DIP2C: variants seen among roughly 807,000 people sequenced by gnomAD.
The protein encoded by DIP2C is DIP2 acetate--CoA ligase C (putative), also known as disco-interacting protein 2 homolog C.
A neutral mutation model predicts 192.4 loss-of-function variants in DIP2C; 33 were observed. The ratio of observed to expected loss-of-function variants is 0.17; its 90% CI spans 0.13 to 0.23. DIP2C has a LOEUF of 0.23. Among genes scored for constraint, DIP2C ranks in the 10% least tolerant of loss-of-function variants. The pLI is 1.00. For missense variants in DIP2C, 1,537 were observed against 2,110.1 expected, an observed-to-expected ratio of 0.73 and a Z score of 5.32; for synonymous variants, 979 against 864.1, an observed-to-expected ratio of 1.13 and a Z score of -2.33.
chr10:383,097 CTATT>C (rs1962525311), intron 16 of DIP2C, among the ~76,000 whole-genome samples: 1 of 152,174 alleles, frequency 6.6e-6, no homozygotes, highest in Non-Finnish European at 1.5e-5. Context: ...ACTTTCCTCT[CTATT>C]AATTTAAATG....
chr10:301,865 G>A (rs886877769), intron 32 of DIP2C, among the ~76,000 whole-genome samples: 4 of 152,226 alleles, frequency 2.6e-5, no homozygotes, highest in African/African-American at 9.6e-5. Flanking sequence ...GACACCAGGA[G>A]GACGGCAAAG....
intron 1 of DIP2C, among the ~76,000 whole-genome samples, chr10:619,617 G>C (rs1377597816): frequency 1.4e-5 from 2 of 146,208 alleles, no homozygotes; most frequent in Non-Finnish European, 3.0e-5. Context: ...ACCTGTGCAA[G>C]GGGTAAGTGC....
chr10:378,034 G>A (rs1257043918), intron 17 of DIP2C, among the ~76,000 whole-genome samples: 1 of 152,134 alleles, frequency 6.6e-6, no homozygotes, highest in Non-Finnish European at 1.5e-5. Context: ...GATGGCAGGA[G>A]ATTTAGGGGA....
At chr10:547,536 T>A (rs1032054717) in intron 1 of DIP2C, among the ~76,000 whole-genome samples, 6 of 152,006 alleles carry the variant, frequency 3.9e-5, no homozygotes, top group African/African-American at 1.5e-4. Context: ...CCCAGCAGGG[T>A]TCACATTATC....
chr10:607,570 T>C (rs1419478848), intron 1 of DIP2C, among the ~76,000 whole-genome samples: 3 of 152,204 alleles, frequency 2.0e-5, no homozygotes, highest in Non-Finnish European at 4.4e-5. Flanking sequence ...AAACCCAGCA[T>C]AAGCTGAAAA....
At chr10:324,932 C>T in intron 31 of DIP2C, 1 of 532,950 alleles carries the variant, frequency 1.9e-6, no homozygotes, top group South Asian at 1.4e-5. Context: ...CGTATTTTAT[C>T]TTCTCCTACT....
chr10:546,060 T>G lies in DIP2C; in HGVS notation c.86-59530A>C, dbSNP rs546623087. 2.0e-5 allele frequency among the ~76,000 whole-genome samples: 3 copies of G among 152,058 alleles called. No individual in the cohort carries two copies. In the South Asian group the frequency reaches 6.2e-4, roughly 32 times the overall value. On this transcript the variant is annotated intron_variant, in intron 1 of 36. Transcript: ENST00000280886. ...ACTTTGGGAGGCCAAGGCAGATGGG[T>G]CACTTGAAGTCAGGAGTTCCAGACC...
chr10:474,729 C>T (rs920453911), intron 2 of DIP2C, among the ~76,000 whole-genome samples: 6 of 152,318 alleles, frequency 3.9e-5, no homozygotes, highest in Non-Finnish European at 7.3e-5. Flanking sequence ...CCAGTGAGAC[C>T]GAGTCTTTCG....
chr10:678,158 T>C (rs1588753582), intron 1 of DIP2C, among the ~76,000 whole-genome samples: 1 of 151,778 alleles, frequency 6.6e-6, no homozygotes. Context: ...ATTTGGGGAG[T>C]CCCTACAGGT....
intron 1 of DIP2C, among the ~76,000 whole-genome samples, chr10:583,762 T>A (rs1481850741): frequency 6.6e-6 from 1 of 152,040 alleles, no homozygotes; most frequent in African/African-American, 2.4e-5. Context: ...ATTAAATGAG[T>A]TATCAAAGCC....
intron 1 of DIP2C, among the ~76,000 whole-genome samples, chr10:613,675 A>T (rs1205510367): frequency 6.6e-6 from 1 of 152,238 alleles, no homozygotes; most frequent in Non-Finnish European, 1.5e-5. Context: ...ACAATGGCAG[A>T]TTCCTGAGAA....
At chr10:304,542 T>C (rs150590902) in intron 32 of DIP2C, among the ~76,000 whole-genome samples, 3 of 119,232 alleles carry the variant, frequency 2.5e-5, no homozygotes, top group Non-Finnish European at 5.1e-5. Context: ...CACATGTATG[T>C]ATGCACACGA....
At chr10:534,244 C>A (rs971303623) in intron 1 of DIP2C, among the ~76,000 whole-genome samples, 1 of 152,180 alleles carries the variant, frequency 6.6e-6, no homozygotes, top group African/African-American at 2.4e-5. Flanking sequence ...CGGGGACGTG[C>A]GAAACGGGGA....
rs528940427 is a variant in DIP2C at position 526,654 on chromosome 10, CAT to C, written c.86-40126_86-40125del. ...CAGCACGTGAAGGATCTCAAATACACATATGTTCTGGGTCTCCTGATCTAAGG... is the reference window on the plus strand; with the variant it reads ...CAGCACGTGAAGGATCTCAAATACACATGTTCTGGGTCTCCTGATCTAAGG... On this transcript the variant is annotated intron_variant, in intron 1 of 36. Transcript: ENST00000280886. Among the ~76,000 whole-genome samples, 25 of 152,338 alleles carry C rather than the reference CAT, an allele frequency of 1.6e-4. No individual in the cohort carries two copies. In the South Asian group the frequency reaches 4.3e-3, roughly 26 times the overall value.
chr10:488,202 A>G (rs1844160382), intron 1 of DIP2C, among the ~76,000 whole-genome samples: 1 of 152,132 alleles, frequency 6.6e-6, no homozygotes, highest in Admixed American at 6.5e-5. Context: ...AGTAACTTCC[A>G]TGCCCCGCAT....
rs756642646 is a variant in DIP2C, at chr10:390,132, G to T, written c.1495-39C>A. 3.8e-6 allele frequency: 6 copies of T among 1,599,896 alleles called. No homozygotes were observed. The South Asian group carries it at 4.4e-5, about 12-fold the overall frequency. The stretch of plus-strand genomic sequence containing the variant: ...AAGCGTGAGGGAAGTGGGGCTGACA[G>T]GTCACGGCAGTTTTTCTGGTTACTT... On this transcript the variant is annotated intron_variant, in intron 12 of 36. Transcript: ENST00000280886.
chr10:650,651 T>A, intron 1 of DIP2C: 1 of 617,298 alleles, frequency 1.6e-6, no homozygotes, highest in Non-Finnish European at 2.9e-6. Context: ...GGGAAGCCAT[T>A]CCACAGCACG....
intron 5 of DIP2C, among the ~76,000 whole-genome samples, chr10:422,076 G>A (rs1386052407): frequency 6.6e-6 from 1 of 152,168 alleles, no homozygotes; most frequent in Non-Finnish European, 1.5e-5. Context: ...CGGCAGCTGA[G>A]ATACCGGGAG....
At chr10:278,750 T>C (rs988352025) in intron 36 of DIP2C, among the ~76,000 whole-genome samples, 1 of 152,228 alleles carries the variant, frequency 6.6e-6, no homozygotes, top group African/African-American at 2.4e-5. Flanking sequence ...TCTGCCCAAC[T>C]GGCAGAAGCA....
Sources: gnomAD v4.1 joint callset for allele counts (sites outside exome capture counted in the v4.1 genomes callset) on GRCh38, gnomAD v4.1.1 for gene constraint, MANE v1.5 for transcripts, NCBI Gene and HGNC (gene_info 2026-07-23, HGNC 2026-07-21) for gene names.